The following SNX24 variants were observed in gnomAD, a reference collection of about 807,000 sequenced individuals.
The protein encoded by SNX24 is sorting nexin 24, also known as sorting nexin-24.
Under a neutral mutation model 28.7 loss-of-function variants are expected in SNX24, and 22 were observed. The observed-to-expected ratio is 0.77, with a 90% CI of 0.55 to 1.10. The LOEUF (loss-of-function observed/expected upper bound fraction) is 1.10. SNX24 is among the 50% of genes least tolerant of loss of function. The probability of loss-of-function intolerance (pLI) is 0.00; values close to 1 mark genes in which losing one functional copy is unlikely to be tolerated. For missense variants in SNX24, 221 were observed against 201.1 expected (o/e 1.10, Z -0.60); for synonymous variants, 69 against 71.5 (o/e 0.96, Z 0.18).
intron 1 of SNX24, among the ~76,000 whole-genome samples, chr5:122,900,849 A>G (rs923475230): frequency 1.3e-5 from 2 of 152,216 alleles, no homozygotes; most frequent in South Asian, 4.1e-4. Flanking sequence ...TAATTTATTC[A>G]GTTATCATTA....
intron 1 of SNX24, among the ~76,000 whole-genome samples, chr5:122,873,307 G>C (rs1270092807): frequency 6.6e-6 from 1 of 152,066 alleles, no homozygotes; most frequent in East Asian, 1.9e-4. Flanking sequence ...TTTGCAGTCA[G>C]GGTTTGCTTC....
At chr5:122,955,569 T>C (rs532727407) in intron 3 of SNX24, among the ~76,000 whole-genome samples, 1 of 152,326 alleles carries the variant, frequency 6.6e-6, no homozygotes, top group Non-Finnish European at 1.5e-5. Context: ...GTGGAAGACA[T>C]TACCTTGTTT....
intron 3 of SNX24, among the ~76,000 whole-genome samples, chr5:122,998,770 A>G (rs930340134): frequency 6.6e-6 from 1 of 152,218 alleles, no homozygotes; most frequent in Non-Finnish European, 1.5e-5. Context: ...AACCATGGCT[A>G]AGAACAAGAT....
intron 3 of SNX24, chr5:122,965,580 A>G (rs1760684092): frequency 2.7e-6 from 1 of 377,022 alleles, no homozygotes; most frequent in Admixed American, 2.9e-5. Context: ...ACAAGAGACA[A>G]GCATATGGGG....
In SNX24 at chr5:122,936,657, C is replaced by A. The variant is rs896706107; in HGVS notation, c.61-77C>A. 3.6e-6 allele frequency: 3 copies of A among 843,354 alleles called. No homozygotes were observed. The African/African-American group carries it at 5.1e-5, about 14-fold the overall frequency. 52.2% of individuals were successfully genotyped at this position (843,354 alleles called of 1,614,324 possible). A position where few individuals can be genotyped will look rare whatever the true frequency, so the allele number is the denominator to read the frequency against. On this transcript the variant is annotated intron_variant, in intron 1 of 6. Transcript: ENST00000261369. ...CTGTAATTAAAGGGATGAAATATAT[C>A]ATGGTCACAAACTTACCACATCAGA...
At chr5:122,850,057 G>T (rs1398157605) in intron 1 of SNX24, among the ~76,000 whole-genome samples, 1 of 152,190 alleles carries the variant, frequency 6.6e-6, no homozygotes. Context: ...TTCAGACAGG[G>T]AAGTCATAGG....
intron 1 of SNX24, among the ~76,000 whole-genome samples, chr5:122,936,477 G>A (rs1486101142): frequency 6.6e-6 from 1 of 151,978 alleles, no homozygotes; most frequent in African/African-American, 2.4e-5. Context: ...AAAAAATTAG[G>A]TAGGTTTTTT....
At chr5:122,895,613 G>A (rs1453234755) in intron 1 of SNX24, among the ~76,000 whole-genome samples, 4 of 152,290 alleles carry the variant, frequency 2.6e-5, no homozygotes, top group South Asian at 4.2e-4. Context: ...ATCATCCCCC[G>A]CAGGGGACAC....
chr5:123,006,854 A>G (rs1454766927), intron 6 of SNX24, among the ~76,000 whole-genome samples: 1 of 152,232 alleles, frequency 6.6e-6, no homozygotes, highest in African/African-American at 2.4e-5. Context: ...ACAGTAGACA[A>G]TAGAGGCTAG....
intron 3 of SNX24, among the ~76,000 whole-genome samples, chr5:122,972,048 T>G (rs1022362026): frequency 6.6e-6 from 1 of 152,222 alleles, no homozygotes; most frequent in African/African-American, 2.4e-5. Context: ...TACTCTTCCT[T>G]TCTCCATTGT....
chr5:122,903,116 T>G lies in SNX24; in HGVS notation c.61-33618T>G, dbSNP rs527433185. ...TCTCCTTTGTACGTTTTTTTGTTTG[T>G]TTTTTTTTGATACAGCGTCTTAGTC... On this transcript the variant is annotated intron_variant, in intron 1 of 6. Transcript: ENST00000261369. Among the ~76,000 whole-genome samples, 8 of 149,488 alleles carry G rather than the reference T, an allele frequency of 5.4e-5. No homozygotes were observed. The East Asian group carries it at 1.2e-3, about 22-fold the overall frequency.
chr5:122,957,317 G>T (rs191371030), intron 3 of SNX24, among the ~76,000 whole-genome samples: 1 of 152,256 alleles, frequency 6.6e-6, no homozygotes, highest in African/African-American at 2.4e-5. Context: ...TCAAAAAACC[G>T]TTGGACCATA....
chr5:122,849,804 C>T (rs555682753), intron 1 of SNX24, among the ~76,000 whole-genome samples: 1 of 152,310 alleles, frequency 6.6e-6, no homozygotes, highest in South Asian at 2.1e-4. Flanking sequence ...TAGTGTCCAT[C>T]TCCACTGTTG....
chr5:122,976,764 A>G (rs1321239195), intron 3 of SNX24, among the ~76,000 whole-genome samples: 2 of 152,250 alleles, frequency 1.3e-5, no homozygotes, highest in Non-Finnish European at 2.9e-5. Flanking sequence ...TTGCTGCCCA[A>G]ATAAATGCCT....
At chr5:123,025,699 G>T in intron 5 of SNX24, 2 of 1,362,948 alleles carry the variant, frequency 1.5e-6, no homozygotes, top group Non-Finnish European at 2.0e-6. Flanking sequence ...TCTCTAACAA[G>T]CATATTTTAA....
chr5:122,925,178 T>TC (rs1403230375), intron 1 of SNX24, among the ~76,000 whole-genome samples: 1 of 58,220 alleles, frequency 1.7e-5, no homozygotes, highest in Admixed American at 2.5e-4. Context: ...CCCCCTCCCA[T>TC]CCCCTCCCAT....
At position 123,008,017 on chromosome 5, in the gene SNX24, C is replaced by A; in HGVS notation, c.*268C>A. ...AGCGTAGAAACCCATGAAAAGGAGG[C>A]CACAGGAGATTCCTGGGAGCACTGG... On this transcript the variant is annotated 3_prime_UTR_variant, in exon 7 of 7. Transcript: ENST00000261369. 8.8e-7 allele frequency: 1 copy of A among 1,130,316 alleles called. No individual in the cohort carries two copies. The highest frequency in any genetic ancestry group is 1.1e-6 in the Non-Finnish European group (1 of 921,312). The allele number at this position is 1,130,316 out of a possible 1,614,324, so 70.0% of individuals were successfully genotyped here.
chr5:123,021,104 T>TCCC (rs11407427), intron 5 of SNX24, among the ~76,000 whole-genome samples: 69 of 146,664 alleles, frequency 4.7e-4, no homozygotes, highest in African/African-American at 1.4e-3. Flanking sequence ...TCCACACAGT[T>TCCC]CCCCCCCCGT....
intron 1 of SNX24, among the ~76,000 whole-genome samples, chr5:122,854,228 G>A (rs1755064494): frequency 6.6e-6 from 1 of 152,034 alleles, no homozygotes; most frequent in South Asian, 2.1e-4. Context: ...CATAGTGTAG[G>A]CCGGGTGCAG....
Sources: gnomAD v4.1 joint callset for allele counts (sites outside exome capture counted in the v4.1 genomes callset) on GRCh38, gnomAD v4.1.1 for gene constraint, MANE v1.5 for transcripts, NCBI Gene and HGNC (gene_info 2026-07-23, HGNC 2026-07-21) for gene names.